Variants in CNOT6 observed in about 807,000 individuals in gnomAD.
The protein encoded by CNOT6 is carbon catabolite repression 4 protein.
In CNOT6, 12 loss-of-function variants were observed where a neutral mutation model predicts 61.2. The ratio of observed to expected loss-of-function variants is 0.20; its 90% confidence interval spans 0.13 to 0.32. The LOEUF (loss-of-function observed/expected upper bound fraction) is 0.32, where lower values mean the gene tolerates loss of function less well. Among genes scored for constraint, CNOT6 ranks in the 10% least tolerant of loss-of-function variants. The pLI is 1.00. For synonymous variants in CNOT6, 225 were observed against 240.6 expected (o/e 0.94, Z 0.60); for missense variants, 405 against 663.9 (o/e 0.61, Z 4.28).
chr5:180,517,782 TC>T (rs150083851), intron 1 of CNOT6, among the ~76,000 whole-genome samples: 41,316 of 152,098 alleles, frequency 0.27, 6,199 homozygotes, highest in Middle Eastern at 0.41. Context: ...GACCTCGTGA[TC>T]CGCCCGCCTC....
chr5:180,558,699 C>G (rs1581557403), intron 4 of CNOT6, among the ~76,000 whole-genome samples: 1 of 150,494 alleles, frequency 6.6e-6, no homozygotes, highest in East Asian at 2.0e-4. Context: ...AGACTTTTGT[C>G]TTCATGCATT....
intron 2 of CNOT6, among the ~76,000 whole-genome samples, chr5:180,539,271 C>CCTAT (rs1758889238): frequency 1.3e-5 from 2 of 148,436 alleles, no homozygotes; most frequent in South Asian, 4.3e-4. Flanking sequence ...AGAGTGAGAC[C>CCTAT]CTATCTCTTT....
intron 9 of CNOT6, 143 bp downstream of exon 9, chr5:180,568,146 T>G: frequency 1.4e-6 from 1 of 722,094 alleles, no homozygotes; most frequent in Non-Finnish European, 2.1e-6. Context: ...TCCTAAAATG[T>G]ATCTCTTTTT....
At chr5:180,541,897 C>T (rs965887734) in intron 2 of CNOT6, among the ~76,000 whole-genome samples, 1 of 150,482 alleles carries the variant, frequency 6.6e-6, no homozygotes, top group Admixed American at 6.6e-5. Context: ...GCTACAGTGC[C>T]CCCTGGCTGT....
In CNOT6 at chr5:180,560,919, T is replaced by TTGG. The variant is rs528330419; in HGVS notation, c.386-3555_386-3553dup. 6.9e-3 allele frequency among the ~76,000 whole-genome samples: 1,039 copies of TTGG among 150,734 alleles called. 5 individuals carry two copies. Among genetic ancestry groups the TTGG allele is most frequent in the Non-Finnish European group, 0.01 (705 of 67,746 alleles). On this transcript the variant is annotated intron_variant, in intron 4 of 11. Coordinates refer to ENST00000261951, the MANE Select transcript of CNOT6 (RefSeq NM_001370472.1). ...AGAGACTTTGTTCTTTTTGTTGTTG[T>TTGG]TGGTGGTGGTGGTGGTGTTGGTCTG...
At chr5:180,545,811 G>A (rs546258205) in intron 2 of CNOT6, among the ~76,000 whole-genome samples, 3 of 152,138 alleles carry the variant, frequency 2.0e-5, no homozygotes, top group African/African-American at 7.2e-5. Flanking sequence ...CCTACTAGAT[G>A]TCTTTGATCC....
Position 180,535,409 on chromosome 5 carries a change from G to A in CNOT6, c.112+6021G>A, listed in dbSNP as rs544654260. Reference sequence around the variant, plus strand: ...GCTCCCACTTGTAAGTGAGAACATCGGTATTTGACTGTTTCTGAGTTGTTT... The same window carrying A: ...GCTCCCACTTGTAAGTGAGAACATCAGTATTTGACTGTTTCTGAGTTGTTT... On this transcript the variant is annotated intron_variant, in intron 2 of 11. Coordinates refer to ENST00000261951, the MANE Select transcript of CNOT6 (RefSeq NM_001370472.1). Among the ~76,000 whole-genome samples, 6 of 152,218 alleles carry A rather than the reference G, an allele frequency of 3.9e-5. No homozygotes were observed. In the South Asian group the frequency reaches 8.3e-4, roughly 21 times the overall value.
intron 9 of CNOT6, 65 bp from the exon 10 acceptor site, chr5:180,569,045 G>A (rs1476050972): frequency 1.7e-5 from 20 of 1,205,674 alleles, no homozygotes; most frequent in Admixed American, 1.6e-4. Flanking sequence ...TTCAGACGCT[G>A]TAAGAATATA....
At chr5:180,560,630 C>A (rs181270881) in intron 4 of CNOT6, among the ~76,000 whole-genome samples, 1 of 152,080 alleles carries the variant, frequency 6.6e-6, no homozygotes, top group African/African-American at 2.4e-5. Context: ...CATTTTTCTC[C>A]GGCTGCTTTC....
At chr5:180,544,475 T>C (rs919635236) in intron 2 of CNOT6, among the ~76,000 whole-genome samples, 3 of 152,248 alleles carry the variant, frequency 2.0e-5, no homozygotes, top group Admixed American at 2.0e-4. Flanking sequence ...TGTGTGTGTA[T>C]GGTAGGCATC....
At chr5:180,526,180 A>C (rs1402224119) in intron 1 of CNOT6, among the ~76,000 whole-genome samples, 2 of 152,166 alleles carry the variant, frequency 1.3e-5, no homozygotes, top group Admixed American at 1.3e-4. Flanking sequence ...AGGAGAAGGC[A>C]GAGAACATAC....
In CNOT6 at chr5:180,571,359, C is replaced by T; in HGVS notation, c.1388C>T (p.Thr463Ile). Residue 463 changes from threonine (T) to isoleucine (I), a missense_variant, in exon 11 of 12, where the codon ACT becomes ATT. Thr to Ile is a moderately conservative substitution (Grantham distance 89). Transcript: ENST00000261951. ...GKNGTTNGRITHGFKLQSAYE... is the reference protein window; with the variant it reads ...GKNGTTNGRIIHGFKLQSAYE... ...AATGGAACCACCAATGGAAGGATCA[C>T]TCATGGTTTCAAGTTACAGAGTGCC... 6.2e-7 allele frequency: 1 copy of T among 1,614,114 alleles called. No homozygotes were observed. Among genetic ancestry groups the T allele is most frequent in the Non-Finnish European group, 8.5e-7 (1 of 1,179,954 alleles).
chr5:180,561,337 TC>T (rs1760170885), intron 4 of CNOT6, among the ~76,000 whole-genome samples: 1 of 148,342 alleles, frequency 6.7e-6, no homozygotes, highest in Non-Finnish European at 1.5e-5. Context: ...TGCTCAGTCT[TC>T]CTGTTTTCTT....
At chr5:180,512,859 A>C (rs1222847793) in intron 1 of CNOT6, among the ~76,000 whole-genome samples, 1 of 152,068 alleles carries the variant, frequency 6.6e-6, no homozygotes, top group African/African-American at 2.4e-5. Flanking sequence ...TGGCCTCCCA[A>C]AGTGCTGGGA....
intron 1 of CNOT6, among the ~76,000 whole-genome samples, chr5:180,507,236 C>T (rs905801379): frequency 6.6e-6 from 1 of 152,152 alleles, no homozygotes; most frequent in Non-Finnish European, 1.5e-5. Context: ...GAGATCAAGT[C>T]AAACTCAACT....
chr5:180,561,354 TTTTGTG>T (rs781368075), intron 4 of CNOT6, among the ~76,000 whole-genome samples: 3 of 99,752 alleles, frequency 3.0e-5, no homozygotes, highest in Non-Finnish European at 6.1e-5. Flanking sequence ...TTCTTGTGTG[TTTTGTG>T]TGTGTGTGTG....
At chr5:180,501,385 G>A (rs1439826078) in intron 1 of CNOT6, among the ~76,000 whole-genome samples, 1 of 152,220 alleles carries the variant, frequency 6.6e-6, no homozygotes, top group African/African-American at 2.4e-5. Flanking sequence ...TTGGGAAACA[G>A]AAGAACAGAT....
In CNOT6 at chr5:180,575,563, A is replaced by G. The variant is rs1401514433; in HGVS notation, c.*1363A>G. The stretch of plus-strand genomic sequence containing the variant: ...ATTTTCAAAACAGGTCCCTAAGACA[A>G]TTCTTCAGATCATTTTTAAAATGAC... On this transcript the variant is annotated 3_prime_UTR_variant, in exon 12 of 12. Transcript: ENST00000261951. 2.6e-5 allele frequency: 4 copies of G among 152,638 alleles called. No homozygotes were observed. Among genetic ancestry groups the G allele is most frequent in the Admixed American group, 6.5e-5 (1 of 15,278 alleles). The allele number at this position is 152,638 out of a possible 1,614,324, so 9.5% of individuals were successfully genotyped here. A position where few individuals can be genotyped will look rare whatever the true frequency, so the allele number is the denominator to read the frequency against.
At chr5:180,497,903 C>T (rs1312727721) in intron 1 of CNOT6, among the ~76,000 whole-genome samples, 1 of 151,850 alleles carries the variant, frequency 6.6e-6, no homozygotes, top group Non-Finnish European at 1.5e-5. Flanking sequence ...ATTAGCCAGG[C>T]GCAGTGGCAC....
Sources: allele counts gnomAD v4.1 joint callset (sites outside exome capture counted in the v4.1 genomes callset), GRCh38; gene constraint gnomAD v4.1.1; transcripts MANE v1.5; gene names NCBI Gene and HGNC (gene_info 2026-07-23, HGNC 2026-07-21).